Variants in CD36 observed in about 807,000 individuals in gnomAD.
CD36 encodes the protein CD36 molecule (CD36 blood group).
CD36 carries 119 observed loss-of-function variants against 55.2 expected under a neutral mutation model. The ratio of observed to expected loss-of-function variants is 2.15; its 90% CI spans 1.86 to 2.51. The LOEUF is 2.51. Among genes scored for constraint, CD36 ranks in the 30% most tolerant of loss-of-function variants. The pLI is 0.00. For synonymous variants in CD36, 186 were observed against 193.6 expected (o/e 0.96, Z 0.33); for missense variants, 819 against 555.5 (o/e 1.47, Z -4.77).
chr7:80,638,337 G>T (rs188447209), upstream of CD36, among the ~76,000 whole-genome samples: 122 of 150,982 alleles, frequency 8.1e-4, 1 homozygote, highest in African/African-American at 2.8e-3. Flanking sequence ...TATGTTAGGG[G>T]AAACTCAGCA....
chr7:80,612,392 T>C (rs1465357835), intron 1 of CD36, among the ~76,000 whole-genome samples: 1 of 152,318 alleles, frequency 6.6e-6, no homozygotes, highest in Non-Finnish European at 1.5e-5. Flanking sequence ...TAATTTGTTA[T>C]ATAAATGAAA....
intron 14 of CD36, chr7:80,674,499 C>G (rs1438598781): frequency 3.8e-6 from 1 of 262,530 alleles, no homozygotes; most frequent in Non-Finnish European, 7.4e-6. Context: ...GAAATGGTTT[C>G]ATAAGACCAG....
intron 3 of CD36, 29 bp from the exon 4 acceptor site, chr7:80,656,511 A>G: frequency 1.2e-6 from 2 of 1,609,558 alleles, no homozygotes; most frequent in South Asian, 1.1e-5. Context: ...CTACAAAGAC[A>G]TAACCCAAAC....
In CD36 at chr7:80,667,917, A is replaced by C. The variant is rs543172126; in HGVS notation, c.748+1428A>C. Among the ~76,000 whole-genome samples, 4 of 151,676 alleles carry C rather than the reference A, an allele frequency of 2.6e-5. No individual in the cohort carries two copies. In the South Asian group the frequency reaches 8.3e-4, roughly 32 times the overall value. ...AGGCATGTGCCACCACACCCAGCTA[A>C]TTTTTGTATTTTTAGTAGAGACGGT... On this transcript the variant is annotated intron_variant, in intron 8 of 14. Transcript: ENST00000447544.
rs780762489 is a variant in CD36, at chr7:80,671,102, A to G, written c.944A>G (p.Glu315Gly). The change falls in exon 10 of 15, where the codon GAA becomes GGA. Residue 315 changes from glutamate (E) to glycine (G), a missense_variant. Physicochemically the swap from Glu to Gly is moderately conservative, Grantham distance 98 (BLOSUM62 -2). Transcript: ENST00000447544. ...CCAGACAACTATTGTTTCTGCACAG[A>G]AAAAATTATCTCAAAAAATTGTACA... ...ENPDNYCFCT[E>G]KIISKNCTSY... is the part of the protein sequence containing the mutation. The G allele has an allele frequency of 8.7e-6, 14 of 1,613,226 alleles. No homozygotes were observed. The highest frequency in any genetic ancestry group is 3.3e-5 in the Admixed American group (2 of 59,978).
At chr7:80,656,267 G>A (rs565519090) in intron 3 of CD36, among the ~76,000 whole-genome samples, 7 of 152,230 alleles carry the variant, frequency 4.6e-5, no homozygotes, top group South Asian at 4.2e-4. Context: ...AAAGCTTGCC[G>A]AAGGGTCACT....
At chr7:80,627,553 C>T (rs527444043) in intron 1 of CD36, among the ~76,000 whole-genome samples, 1 of 151,306 alleles carries the variant, frequency 6.6e-6, no homozygotes, top group Non-Finnish European at 1.5e-5. Context: ...AGGAATCAAA[C>T]TCTTATCAAG....
Position 80,661,212 on chromosome 7 carries a change from T to C in CD36, c.429+2T>C, listed in dbSNP as rs3211893. 684 of 1,613,518 alleles carry C rather than the reference T, an allele frequency of 4.2e-4. 1 individual carries two copies. In the African/African-American group the frequency reaches 7.9e-3, roughly 19 times the overall value. The stretch of plus-strand genomic sequence containing the variant: ...ACAGTTCTCAATCTGGCTGTGGCAG[T>C]GAGTAGACAAACAACAAAGTTATCT... On this transcript the variant is annotated splice_donor_variant, in intron 5 of 14. Coordinates refer to ENST00000447544, the MANE Select transcript of CD36 (RefSeq NM_001001548.3). LOFTEE classifies it high-confidence loss of function.
At chr7:80,625,542 T>C (rs1008410891) in intron 1 of CD36, among the ~76,000 whole-genome samples, 12 of 152,184 alleles carry the variant, frequency 7.9e-5, no homozygotes, top group Non-Finnish European at 1.5e-5. Context: ...ACCTTGCTTG[T>C]ATTTCAGATC....
chr7:80,623,347 C>T (rs1474219537), intron 1 of CD36, among the ~76,000 whole-genome samples: 6 of 134,178 alleles, frequency 4.5e-5, no homozygotes, highest in African/African-American at 1.3e-4. Context: ...CATTTTCTTC[C>T]ACTTTGTGGC....
At chr7:80,671,225 G>A (rs1248562720) in intron 10 of CD36, 61 bp downstream of exon 10, 44 of 1,136,632 alleles carry the variant, frequency 3.9e-5, no homozygotes, top group Non-Finnish European at 5.6e-5. Flanking sequence ...TTTAAGATGA[G>A]AACTTTACCA....
chr7:80,648,609 GA>G (rs1795356831), intron 3 of CD36, among the ~76,000 whole-genome samples: 1 of 151,948 alleles, frequency 6.6e-6, no homozygotes, highest in African/African-American at 2.4e-5. Context: ...ATGACTAAGA[GA>G]ATAATATAAT....
Position 80,673,984 on chromosome 7 carries a change from C to A in CD36, c.1256C>A (p.Thr419Asn), listed in dbSNP as rs1361703473. Reference protein sequence around the residue: ...YIVPILWLNETGTIGDEKANM... With the variant: ...YIVPILWLNENGTIGDEKANM... ...TGTTGATTATTAACTTGATTACAGA[C>A]TGGGACCATTGGTGATGAGAAGGCA... is the stretch of plus-strand genomic sequence containing the variant. The change falls in exon 14 of 15, where the codon ACT (threonine) becomes AAT (asparagine). Residue 419 changes from threonine (T) to asparagine (N), a missense_variant and splice_region_variant. Thr to Asn is a moderately conservative substitution (Grantham distance 65). Coordinates refer to ENST00000447544, the MANE Select transcript of CD36 (RefSeq NM_001001548.3). 1.2e-6 allele frequency: 2 copies of A among 1,610,440 alleles called. No individual in the cohort carries two copies. The highest frequency in any genetic ancestry group is 2.7e-5 in the African/African-American group (2 of 74,782).
chr7:80,647,062 C>T, intron 3 of CD36: 1 of 529,532 alleles, frequency 1.9e-6, no homozygotes. Flanking sequence ...TAACATGACT[C>T]CATTGCTGTC....
chr7:80,669,243 T>C (rs1262739613), intron 8 of CD36, among the ~76,000 whole-genome samples: 2 of 152,158 alleles, frequency 1.3e-5, no homozygotes, highest in Non-Finnish European at 2.9e-5. Context: ...ATGTATAGTA[T>C]GTAGATTTGT....
chr7:80,640,662 T>C (rs910955908), intron 1 of CD36, among the ~76,000 whole-genome samples: 2 of 151,952 alleles, frequency 1.3e-5, no homozygotes, highest in African/African-American at 2.4e-5. Context: ...GGTTCAAAAA[T>C]TAAGAATGGG....
chr7:80,650,498 G>C (rs571111359), intron 3 of CD36, among the ~76,000 whole-genome samples: 2 of 152,080 alleles, frequency 1.3e-5, no homozygotes, highest in African/African-American at 4.8e-5. Context: ...GAAATACTTA[G>C]AGTAATGCTA....
rs1798196078 is a variant in CD36, at chr7:80,677,406, T to C, written c.*1023T>C. ...CACAGAAGGATACAGGACAAAGGAA[T>C]AGTAACTGGCCTGTTTGGATACTAA... On this transcript the variant is annotated 3_prime_UTR_variant, in exon 15 of 15. Coordinates refer to ENST00000447544, the MANE Select transcript of CD36 (RefSeq NM_001001548.3). The C allele has an allele frequency of 6.6e-6, 1 of 152,144 alleles. No individual in the cohort carries two copies. Among genetic ancestry groups the C allele is most frequent in the South Asian group, 2.1e-4 (1 of 4,828 alleles). The allele number at this position is 152,144 out of a possible 1,614,324, so 9.4% of individuals were successfully genotyped here.
At chr7:80,627,155 C>G (rs1793788773) in intron 1 of CD36, among the ~76,000 whole-genome samples, 1 of 152,024 alleles carries the variant, frequency 6.6e-6, no homozygotes, top group African/African-American at 2.4e-5. Flanking sequence ...ATCAGTCTGA[C>G]TCAGGTTTTT....
Sources: gnomAD v4.1 joint callset for allele counts (sites outside exome capture counted in the v4.1 genomes callset) on GRCh38, gnomAD v4.1.1 for gene constraint, MANE v1.5 for transcripts, NCBI Gene and HGNC (gene_info 2026-07-23, HGNC 2026-07-21) for gene names.